SMOC2: variants seen among roughly 807,000 people sequenced by gnomAD.
SMOC2 encodes SPARC-related modular calcium-binding protein 2.
Under a neutral mutation model 61.4 loss-of-function variants are expected in SMOC2, and 39 were observed. That is an observed-to-expected ratio of 0.64 (90% CI 0.49 to 0.83). The LOEUF (loss-of-function observed/expected upper bound fraction) is 0.83. SMOC2 is among the 40% of genes least tolerant of loss of function. The probability of loss-of-function intolerance (pLI) is 0.00; values close to 1 mark genes in which losing one functional copy is unlikely to be tolerated. For missense variants in SMOC2, 556 were observed against 592.9 expected (o/e 0.94, Z 0.65); for synonymous variants, 247 against 239.9 (o/e 1.03, Z -0.27).
At chr6:168,494,967 C>T (rs769618707) in intron 1 of SMOC2, among the ~76,000 whole-genome samples, 12 of 152,222 alleles carry the variant, frequency 7.9e-5, no homozygotes, top group Non-Finnish European at 1.3e-4. Flanking sequence ...GTGCTCACCT[C>T]GCTCGGCCTT....
intron 1 of SMOC2, among the ~76,000 whole-genome samples, chr6:168,442,549 A>C (rs1781238679): frequency 6.6e-6 from 1 of 152,274 alleles, no homozygotes; most frequent in Admixed American, 6.5e-5. Context: ...TTGAGAAAAC[A>C]CGAAGGTAGT....
chr6:168,468,246 T>A (rs757075161), intron 1 of SMOC2, among the ~76,000 whole-genome samples: 4 of 152,204 alleles, frequency 2.6e-5, no homozygotes, highest in Non-Finnish European at 4.4e-5. Context: ...GGTTCTTTGC[T>A]TCCCATGGTG....
intron 9 of SMOC2, among the ~76,000 whole-genome samples, chr6:168,650,074 A>G (rs1011688440): frequency 6.6e-6 from 1 of 152,172 alleles, no homozygotes; most frequent in Non-Finnish European, 1.5e-5. Flanking sequence ...GGGTGCCTGA[A>G]TTATTCCCTG....
intron 8 of SMOC2, among the ~76,000 whole-genome samples, chr6:168,607,868 TTG>T (rs1785750347): frequency 1.3e-5 from 2 of 151,428 alleles, no homozygotes; most frequent in Admixed American, 6.6e-5. Flanking sequence ...GTGTGGGTGC[TTG>T]GCAGCTGCTA....
chr6:168,579,508 C>A (rs1486196454), intron 7 of SMOC2, among the ~76,000 whole-genome samples: 1 of 152,208 alleles, frequency 6.6e-6, no homozygotes, highest in African/African-American at 2.4e-5. Context: ...TTATTAACTT[C>A]CTTTAAATAG....
At chr6:168,636,207 G>T (rs1786714084) in intron 9 of SMOC2, among the ~76,000 whole-genome samples, 1 of 152,132 alleles carries the variant, frequency 6.6e-6, no homozygotes, top group Non-Finnish European at 1.5e-5. Flanking sequence ...TCATTCCTGG[G>T]AGTCATTTAT....
At chr6:168,554,180 C>T (rs539664005) in intron 7 of SMOC2, among the ~76,000 whole-genome samples, 19 of 152,216 alleles carry the variant, frequency 1.2e-4, no homozygotes, top group Admixed American at 3.3e-4. Context: ...GCATCTGTCA[C>T]GTACAGTGAG....
chr6:168,563,495 C>G (rs1222240507), intron 7 of SMOC2, among the ~76,000 whole-genome samples: 2 of 152,110 alleles, frequency 1.3e-5, no homozygotes, highest in African/African-American at 4.8e-5. Flanking sequence ...TATTGTGTGT[C>G]TGTTTCTTGT....
intron 2 of SMOC2, among the ~76,000 whole-genome samples, chr6:168,511,513 C>T (rs9456151): frequency 0.37 from 56,909 of 152,008 alleles, 11,470 homozygotes; most frequent in East Asian, 0.54. Flanking sequence ...TCCCATGACA[C>T]GTGGGGAACT....
Position 168,535,616 on chromosome 6 carries a change from C to T in SMOC2, c.463+7889C>T, listed in dbSNP as rs2115087864. Among the ~76,000 whole-genome samples, 1 of 152,228 alleles carries T rather than the reference C, an allele frequency of 6.6e-6. No homozygotes were observed. Among genetic ancestry groups the T allele is most frequent in the East Asian group, 1.9e-4 (1 of 5,172 alleles). On this transcript the variant is annotated intron_variant, in intron 4 of 12. Coordinates refer to ENST00000356284, the MANE Select transcript of SMOC2 (RefSeq NM_001166412.2). The surrounding 1 kb of genome is among the most constrained non-coding windows in gnomAD (Gnocchi z 4.6). The stretch of plus-strand genomic sequence containing the variant: ...GACCCACGAAGCATAAAAGCCGGTG[C>T]CACAAAGTCCACCGAAACCCTCCTC...
intron 7 of SMOC2, among the ~76,000 whole-genome samples, chr6:168,580,066 A>G (rs1784888536): frequency 7.6e-6 from 1 of 131,358 alleles, no homozygotes; most frequent in South Asian, 2.4e-4. Context: ...GCGTTCCGAG[A>G]TGGTCTGTCT....
chr6:168,599,360 C>G (rs1223109928), intron 8 of SMOC2, among the ~76,000 whole-genome samples: 24 of 146,850 alleles, frequency 1.6e-4, no homozygotes, highest in African/African-American at 6.0e-4. Flanking sequence ...CACTCACACG[C>G]ACACAATCAT....
intron 7 of SMOC2, among the ~76,000 whole-genome samples, chr6:168,574,141 A>G (rs899249602): frequency 6.6e-6 from 1 of 152,236 alleles, no homozygotes; most frequent in African/African-American, 2.4e-5. Flanking sequence ...ATCTCTGTGG[A>G]TAGAGACCCT....
At chr6:168,617,161 A>G (rs920802822) in intron 9 of SMOC2, among the ~76,000 whole-genome samples, 1 of 152,204 alleles carries the variant, frequency 6.6e-6, no homozygotes, top group African/African-American at 2.4e-5. Context: ...GTAAGGAGAC[A>G]TTGGAGGTTT....
chr6:168,540,955 G>T (rs542394063), intron 4 of SMOC2, among the ~76,000 whole-genome samples: 1 of 152,258 alleles, frequency 6.6e-6, no homozygotes, highest in South Asian at 2.1e-4. Context: ...TCTGGAAGGA[G>T]CTTATGCAAA....
At chr6:168,573,077 C>A (rs1172790050) in intron 7 of SMOC2, among the ~76,000 whole-genome samples, 1 of 83,372 alleles carries the variant, frequency 1.2e-5, no homozygotes, top group Non-Finnish European at 2.2e-5. Context: ...ACCAGGGCTG[C>A]GTGCTCCTTG....
Position 168,500,910 on chromosome 6 carries a change from G to A in SMOC2, c.85-9005G>A, listed in dbSNP as rs73254706. ...TAAAGCAATAAGGATGGTGCCTGAG[G>A]CTGCATGAACCCCCGGAACACTTTT... On this transcript the variant is annotated intron_variant, in intron 1 of 12. Transcript: ENST00000356284. 2.6e-3 allele frequency among the ~76,000 whole-genome samples: 390 copies of A among 152,256 alleles called. 4 individuals carry two copies. Among genetic ancestry groups the A allele is most frequent in the African/African-American group, 8.6e-3 (359 of 41,540 alleles).
At chr6:168,482,401 T>A (rs56747681) in intron 1 of SMOC2, among the ~76,000 whole-genome samples, 110,809 of 151,298 alleles carry the variant, frequency 0.73, 41,001 homozygotes, top group African/African-American at 0.83. Flanking sequence ...TTATAACTTT[T>A]ATAACATGAT....
chr6:168,556,440 C>T (rs1292365587), intron 7 of SMOC2, among the ~76,000 whole-genome samples: 1 of 152,142 alleles, frequency 6.6e-6, no homozygotes. Flanking sequence ...AGCTGTTCCT[C>T]GTGGCCTCGC....
Sources: allele counts gnomAD v4.1 joint callset (sites outside exome capture counted in the v4.1 genomes callset), GRCh38; gene constraint gnomAD v4.1.1; non-coding constraint Gnocchi (gnomAD v3.1); transcripts MANE v1.5; gene names NCBI Gene and HGNC (gene_info 2026-07-23, HGNC 2026-07-21).